The following HMGCLL1 variants were observed in gnomAD, a reference collection of about 807,000 sequenced individuals.
HMGCLL1 encodes 3-hydroxy-3-methylglutaryl-CoA lyase like 1, also known as 3-hydroxymethyl-3-methylglutaryl-CoA lyase, cytoplasmic.
HMGCLL1 carries 36 observed loss-of-function variants against 39.1 expected under a neutral mutation model. The observed-to-expected ratio is 0.92, with a 90% CI of 0.71 to 1.22. HMGCLL1 has a LOEUF of 1.22. HMGCLL1 is among the 50% of genes most tolerant of loss of function. The probability of loss-of-function intolerance (pLI) is 0.00; values close to 1 mark genes in which losing one functional copy is unlikely to be tolerated. For synonymous variants in HMGCLL1, 149 were observed against 144.0 expected (o/e 1.03, Z -0.25); for missense variants, 451 against 416.5 (o/e 1.08, Z -0.72).
chr6:55,468,488 A>G lies in HMGCLL1; in HGVS notation c.795+26931T>C, dbSNP rs566779052. Among the ~76,000 whole-genome samples the G allele has an allele frequency of 2.6e-5, 4 of 152,076 alleles. No individual in the cohort carries two copies. In the South Asian group the frequency reaches 6.2e-4, roughly 24 times the overall value. Reference sequence around the variant, plus strand: ...CAGGATTGAGAGAAGCCAACCTTCTAGTGGAAAGGTAGAATGATGGAGTGA... The same window carrying G: ...CAGGATTGAGAGAAGCCAACCTTCTGGTGGAAAGGTAGAATGATGGAGTGA... On this transcript the variant is annotated intron_variant, in intron 7 of 8. Transcript: ENST00000274901.
the HMGCLL1 span, among the ~76,000 whole-genome samples, chr6:55,621,250 C>T: frequency 6.6e-6 from 1 of 152,090 alleles, no homozygotes. Context: ...TATTCCAATA[C>T]TTTAACATGA....
chr6:55,561,332 GC>G (rs1274112786), intron 1 of HMGCLL1, among the ~76,000 whole-genome samples: 7 of 151,886 alleles, frequency 4.6e-5, no homozygotes, highest in African/African-American at 1.7e-4. Context: ...GGAAATAAGG[GC>G]CCTACAAGTA....
intron 1 of HMGCLL1, chr6:55,566,619 A>C (rs1257764667): frequency 2.2e-6 from 1 of 455,748 alleles, no homozygotes; most frequent in Non-Finnish European, 4.4e-6. Flanking sequence ...CAATGTTTCT[A>C]CTCCTTCTCC....
chr6:55,629,456 A>G, the HMGCLL1 span, among the ~76,000 whole-genome samples: 1 of 152,196 alleles, frequency 6.6e-6, no homozygotes, highest in African/African-American at 2.4e-5. Context: ...AGTTCAGAAC[A>G]TTTGCAGCCT....
At chr6:55,553,115 C>T (rs958553499) in intron 1 of HMGCLL1, among the ~76,000 whole-genome samples, 9 of 151,186 alleles carry the variant, frequency 6.0e-5, no homozygotes, top group African/African-American at 2.2e-4. Context: ...TGCACTCCAG[C>T]CTGGGCAACA....
chr6:55,503,525 T>A (rs1304180104), intron 5 of HMGCLL1, among the ~76,000 whole-genome samples: 2 of 141,546 alleles, frequency 1.4e-5, no homozygotes, highest in African/African-American at 5.2e-5. Context: ...GTTATAAAAT[T>A]TCTGTGTGTG....
the HMGCLL1 span, among the ~76,000 whole-genome samples, chr6:55,662,778 T>C: frequency 1.3e-5 from 2 of 151,896 alleles, no homozygotes; most frequent in Non-Finnish European, 2.9e-5. Flanking sequence ...TCTTTGTACA[T>C]CTGGTAGAAT....
chr6:55,663,188 G>T, the HMGCLL1 span, among the ~76,000 whole-genome samples: 2 of 150,218 alleles, frequency 1.3e-5, no homozygotes, highest in Non-Finnish European at 3.0e-5. Flanking sequence ...ATCTCCTTCA[G>T]TTCCGCTCTG....
the HMGCLL1 span, among the ~76,000 whole-genome samples, chr6:55,650,146 C>T: frequency 1.6e-3 from 128 of 81,958 alleles, 1 homozygote; most frequent in East Asian, 3.4e-3. Flanking sequence ...CACACACACA[C>T]ACATATGTAT....
chr6:55,654,671 C>G, the HMGCLL1 span, among the ~76,000 whole-genome samples: 1 of 151,822 alleles, frequency 6.6e-6, no homozygotes, highest in African/African-American at 2.4e-5. Context: ...CAAGCACTTA[C>G]TGTCCAAATG....
the HMGCLL1 span, among the ~76,000 whole-genome samples, chr6:55,662,420 T>C: frequency 6.6e-6 from 1 of 152,020 alleles, no homozygotes; most frequent in African/African-American, 2.4e-5. Flanking sequence ...TGAAAGTCTT[T>C]TCTAAGTCTC....
chr6:55,641,393 A>G, the HMGCLL1 span, among the ~76,000 whole-genome samples: 1 of 152,186 alleles, frequency 6.6e-6, no homozygotes, highest in East Asian at 1.9e-4. Context: ...GTGAAAAAGC[A>G]AGTTGCATAG....
the HMGCLL1 span, among the ~76,000 whole-genome samples, chr6:55,646,510 T>C: frequency 6.6e-6 from 1 of 151,904 alleles, no homozygotes; most frequent in Non-Finnish European, 1.5e-5. Flanking sequence ...TTTTTCTTCT[T>C]TTTTGATGCA....
chr6:55,642,724 T>C, the HMGCLL1 span, among the ~76,000 whole-genome samples: 13 of 152,088 alleles, frequency 8.5e-5, no homozygotes, highest in Non-Finnish European at 1.8e-4. Context: ...ACAGATTGTT[T>C]TGTCACCCAG....
chr6:55,673,519 A>G, the HMGCLL1 span, among the ~76,000 whole-genome samples: 4 of 152,062 alleles, frequency 2.6e-5, no homozygotes, highest in African/African-American at 9.7e-5. Flanking sequence ...AAACCTACAC[A>G]AGGGCGAACG....
chr6:55,477,256 TA>T (rs1372595904), intron 7 of HMGCLL1, among the ~76,000 whole-genome samples: 5 of 23,368 alleles, frequency 2.1e-4, no homozygotes, highest in Admixed American at 1.6e-3. Flanking sequence ...TAATATATAA[TA>T]TATATTATAT....
At chr6:55,463,035 T>C (rs1000340531) in intron 7 of HMGCLL1, among the ~76,000 whole-genome samples, 21 of 150,492 alleles carry the variant, frequency 1.4e-4, no homozygotes, top group African/African-American at 4.4e-4. Context: ...CTTTCTTTTT[T>C]TTTTTTTTTT....
At chr6:55,615,179 G>C in the HMGCLL1 span, among the ~76,000 whole-genome samples, 1 of 151,354 alleles carries the variant, frequency 6.6e-6, no homozygotes, top group Non-Finnish European at 1.5e-5. Flanking sequence ...GTTTATAAAA[G>C]TAAAAAGAAA....
At chr6:55,519,139 C>T (rs1581889816) in intron 3 of HMGCLL1, among the ~76,000 whole-genome samples, 1 of 152,180 alleles carries the variant, frequency 6.6e-6, no homozygotes, top group East Asian at 1.9e-4. Context: ...CTGATTTATG[C>T]TGAAGGCAAT....
Sources: allele counts gnomAD v4.1 joint callset (sites outside exome capture counted in the v4.1 genomes callset), GRCh38; gene constraint gnomAD v4.1.1; transcripts MANE v1.5; gene names NCBI Gene and HGNC (gene_info 2026-07-23, HGNC 2026-07-21).